Variants in NEGR1 observed in about 807,000 individuals in gnomAD.
The protein encoded by NEGR1 is neuronal growth regulator 1, also known as IgLON family member 4.
In NEGR1, 10 loss-of-function variants were observed where a neutral mutation model predicts 40.9. The ratio of observed to expected loss-of-function variants is 0.24; its 90% CI spans 0.15 to 0.42. The LOEUF is 0.42. Ranked by LOEUF, NEGR1 falls within the 10% of genes least tolerant of loss-of-function variation. The pLI is 1.00. For synonymous variants in NEGR1, 185 were observed against 166.8 expected, an observed-to-expected ratio of 1.11 and a Z score of -0.84; for missense variants, 352 against 438.9, an observed-to-expected ratio of 0.80 and a Z score of 1.77.
At chr1:72,060,186 T>C (rs1159880899) in intron 1 of NEGR1, among the ~76,000 whole-genome samples, 1 of 151,632 alleles carries the variant, frequency 6.6e-6, no homozygotes, top group Non-Finnish European at 1.5e-5. Flanking sequence ...GCTTTCTACC[T>C]CCAAGATTAT....
rs895505502 is a variant in NEGR1, at chr1:71,774,063, G to A, written c.535+2109C>T. 9.0e-4 allele frequency among the ~76,000 whole-genome samples: 137 copies of A among 152,092 alleles called. 2 individuals are homozygous for A. The highest frequency in any genetic ancestry group is 3.3e-3 in the African/African-American group (136 of 41,414). On this transcript the variant is annotated intron_variant, in intron 3 of 6. Transcript: ENST00000357731. ...TTCCTGGAAAGATGATTAAGAATCA[G>A]CTTTACATTTACATATTAAGTTTTA...
intron 6 of NEGR1, among the ~76,000 whole-genome samples, chr1:71,533,878 G>A (rs1647434137): frequency 6.6e-6 from 1 of 151,502 alleles, no homozygotes; most frequent in Non-Finnish European, 1.5e-5. Flanking sequence ...GAAAAACATT[G>A]CATTTTTGAG....
At chr1:72,210,035 C>T (rs1653543046) in intron 1 of NEGR1, among the ~76,000 whole-genome samples, 1 of 151,922 alleles carries the variant, frequency 6.6e-6, no homozygotes, top group Non-Finnish European at 1.5e-5. Context: ...AAGGAATAAA[C>T]TAGGCTTTGG....
intron 4 of NEGR1, among the ~76,000 whole-genome samples, chr1:71,635,980 C>T (rs1160230567): frequency 1.3e-5 from 2 of 151,942 alleles, no homozygotes; most frequent in Non-Finnish European, 2.9e-5. Context: ...CAAGTAAACA[C>T]TTGACAAATA....
chr1:71,944,928 G>C (rs1211120046), intron 1 of NEGR1, among the ~76,000 whole-genome samples: 1 of 152,028 alleles, frequency 6.6e-6, no homozygotes, highest in Non-Finnish European at 1.5e-5. Flanking sequence ...CCATAATTCA[G>C]TATGAACTAT....
intron 2 of NEGR1, among the ~76,000 whole-genome samples, chr1:71,834,169 C>A (rs1658934166): frequency 1.3e-5 from 2 of 152,028 alleles, no homozygotes; most frequent in Non-Finnish European, 2.9e-5. Context: ...TGCTTTGATT[C>A]ATGGTTTAAG....
intron 6 of NEGR1, among the ~76,000 whole-genome samples, chr1:71,576,771 G>A (rs528255881): frequency 6.6e-6 from 1 of 152,302 alleles, no homozygotes; most frequent in East Asian, 1.9e-4. Flanking sequence ...ATTTGGAGAA[G>A]TATTTATAAA....
rs562820443 is a variant in NEGR1, at chr1:71,649,149, GTTA to G, written c.668-38006_668-38004del. On this transcript the variant is annotated intron_variant, in intron 4 of 6. Coordinates refer to ENST00000357731, the MANE Select transcript of NEGR1 (RefSeq NM_173808.3). ...AAAGTAATGCCAATTACAATAAGAT[GTTA>G]TTATTTTACCTCTCAAACATGAAAA... 1.7e-3 allele frequency among the ~76,000 whole-genome samples: 252 copies of G among 152,102 alleles called. 1 individual carries two copies. Among genetic ancestry groups the G allele is most frequent in the Admixed American group, 2.9e-3 (44 of 15,272 alleles).
At chr1:71,682,972 G>A (rs1051998779) in intron 4 of NEGR1, among the ~76,000 whole-genome samples, 11 of 151,892 alleles carry the variant, frequency 7.2e-5, no homozygotes, top group African/African-American at 2.2e-4. Context: ...GTATCAGGGC[G>A]AGGCTTCTTG....
At chr1:71,994,046 TC>T (rs1363161066) in intron 1 of NEGR1, among the ~76,000 whole-genome samples, 1 of 152,086 alleles carries the variant, frequency 6.6e-6, no homozygotes, top group African/African-American at 2.4e-5. Flanking sequence ...TAATAGAACA[TC>T]CAGCACAACT....
intron 2 of NEGR1, among the ~76,000 whole-genome samples, chr1:71,806,240 A>G (rs1326443564): frequency 6.6e-6 from 1 of 151,944 alleles, no homozygotes; most frequent in Non-Finnish European, 1.5e-5. Flanking sequence ...TTTTAAGAAA[A>G]TATACTATAA....
At chr1:71,673,602 AT>A (rs1652510443) in intron 4 of NEGR1, among the ~76,000 whole-genome samples, 1 of 152,036 alleles carries the variant, frequency 6.6e-6, no homozygotes, top group African/African-American at 2.4e-5. Context: ...AAGGGAGAAT[AT>A]TTTTTCCCTT....
intron 6 of NEGR1, among the ~76,000 whole-genome samples, chr1:71,418,116 T>C (rs1646368550): frequency 6.7e-6 from 1 of 149,964 alleles, no homozygotes; most frequent in Admixed American, 6.7e-5. Flanking sequence ...GATGTTTTAC[T>C]GGATAGTAAT....
intron 2 of NEGR1, among the ~76,000 whole-genome samples, chr1:71,852,235 A>C (rs1291258410): frequency 6.6e-6 from 1 of 152,136 alleles, no homozygotes; most frequent in East Asian, 1.9e-4. Context: ...ATGTCACAGG[A>C]CCTCAAAATC....
intron 1 of NEGR1, among the ~76,000 whole-genome samples, chr1:72,101,524 A>C (rs1176136345): frequency 2.6e-5 from 4 of 152,184 alleles, no homozygotes; most frequent in African/African-American, 9.6e-5. Flanking sequence ...TGCACCAAAT[A>C]AAATAATCTC....
At chr1:71,681,697 C>T (rs569352117) in intron 4 of NEGR1, among the ~76,000 whole-genome samples, 1 of 152,282 alleles carries the variant, frequency 6.6e-6, no homozygotes, top group East Asian at 1.9e-4. Context: ...TCCCACGTCC[C>T]TGTACTTTCT....
At chr1:71,967,837 G>T (rs1243517485) in intron 1 of NEGR1, among the ~76,000 whole-genome samples, 2 of 152,180 alleles carry the variant, frequency 1.3e-5, no homozygotes, top group Non-Finnish European at 2.9e-5. Flanking sequence ...CCACATGACT[G>T]GAGGGGAAGT....
At chr1:71,438,512 A>C (rs1299930376) in intron 6 of NEGR1, among the ~76,000 whole-genome samples, 4 of 152,186 alleles carry the variant, frequency 2.6e-5, no homozygotes. Context: ...AACCACTTTC[A>C]GGGCAATAAA....
At chr1:72,276,591 A>C (rs1372835508) in intron 1 of NEGR1, among the ~76,000 whole-genome samples, 1 of 152,174 alleles carries the variant, frequency 6.6e-6, no homozygotes, top group Non-Finnish European at 1.5e-5. Context: ...TTATTAACAT[A>C]ATCTGTGTAT....
Sources: gnomAD v4.1 joint callset for allele counts (sites outside exome capture counted in the v4.1 genomes callset) on GRCh38, gnomAD v4.1.1 for gene constraint, MANE v1.5 for transcripts, NCBI Gene and HGNC (gene_info 2026-07-23, HGNC 2026-07-21) for gene names.